PAX5: variants seen among roughly 807,000 people sequenced by gnomAD.
The protein encoded by PAX5 is paired box 5.
A neutral mutation model predicts 43.7 loss-of-function variants in PAX5; 9 were observed. The ratio of observed to expected loss-of-function variants is 0.21; its 90% CI spans 0.12 to 0.36. PAX5 has a LOEUF of 0.36. Among genes scored for constraint, PAX5 ranks in the 10% least tolerant of loss-of-function variants. The pLI is 1.00. For synonymous variants in PAX5, 228 were observed against 214.3 expected (o/e 1.06, Z -0.56); for missense variants, 383 against 532.7 (o/e 0.72, Z 2.77).
chr9:36,998,864 A>G (rs1213396949), intron 5 of PAX5, among the ~76,000 whole-genome samples: 1 of 152,240 alleles, frequency 6.6e-6, no homozygotes, highest in Non-Finnish European at 1.5e-5. Flanking sequence ...ATATGCTGAC[A>G]TGTTGAAATG....
At chr9:36,908,749 C>T (rs1000221175) in intron 7 of PAX5, among the ~76,000 whole-genome samples, 1 of 152,300 alleles carries the variant, frequency 6.6e-6, no homozygotes, top group Middle Eastern at 3.4e-3. Flanking sequence ...CAGAGACCTG[C>T]TTGAAGGCTC....
At chr9:36,957,261 G>A (rs1833570983) in intron 6 of PAX5, among the ~76,000 whole-genome samples, 1 of 152,190 alleles carries the variant, frequency 6.6e-6, no homozygotes, top group African/African-American at 2.4e-5. Context: ...GGTAAGCCAG[G>A]GAGGGTCTGC....
Position 36,845,053 on chromosome 9 carries a change from G to C in PAX5, c.1099+1790C>G, listed in dbSNP as rs550779619. On this transcript the variant is annotated intron_variant, in intron 9 of 9. Transcript: ENST00000358127. ...GCTCAGGGTTTTGTGCCATGCATGG[G>C]CTGGGGTTCAGCTCCCACTTGTCCC... 3.3e-5 allele frequency among the ~76,000 whole-genome samples: 5 copies of C among 152,372 alleles called. 1 individual carries two copies. The highest frequency in any genetic ancestry group is 9.6e-5 in the African/African-American group (4 of 41,592).
intron 6 of PAX5, among the ~76,000 whole-genome samples, chr9:36,961,969 C>A (rs1009332787): frequency 2.0e-5 from 3 of 152,232 alleles, no homozygotes; most frequent in Admixed American, 1.3e-4. Flanking sequence ...ATTGCCCAGG[C>A]GTGGTCAACA....
chr9:36,973,278 G>A (rs1240957009), intron 5 of PAX5, among the ~76,000 whole-genome samples: 2 of 152,056 alleles, frequency 1.3e-5, no homozygotes, highest in African/African-American at 2.4e-5. Flanking sequence ...TCTCTAGATC[G>A]GCCCAGTTTG....
At chr9:36,897,051 G>A (rs1827931111) in intron 7 of PAX5, among the ~76,000 whole-genome samples, 1 of 152,188 alleles carries the variant, frequency 6.6e-6, no homozygotes, top group Non-Finnish European at 1.5e-5. Flanking sequence ...GTTCCTTCAG[G>A]AGGACCTAGA....
At chr9:36,929,274 G>A (rs111240690) in intron 6 of PAX5, among the ~76,000 whole-genome samples, 1 of 150,196 alleles carries the variant, frequency 6.7e-6, no homozygotes, top group Non-Finnish European at 1.5e-5. Context: ...AGGAAGGAAG[G>A]AAGGAAGGAA....
In PAX5 at chr9:36,881,998, A is replaced by T. The variant is rs1358831786; in HGVS notation, c.1012+6T>A. 1 of 1,606,658 alleles carries T rather than the reference A, an allele frequency of 6.2e-7. No individual in the cohort carries two copies. Among genetic ancestry groups the T allele is most frequent in the South Asian group, 1.1e-5 (1 of 89,618 alleles). On this transcript the variant is annotated splice_donor_region_variant and intron_variant, in intron 8 of 9. Coordinates refer to ENST00000358127, the MANE Select transcript of PAX5 (RefSeq NM_016734.3). ...TGCTGTGGAGACGCCGACAGTGCAA[A>T]CTCACCAGGCACCATCCCTGTCAGC...
intron 8 of PAX5, among the ~76,000 whole-genome samples, chr9:36,875,071 C>G (rs1825798385): frequency 6.6e-6 from 1 of 152,164 alleles, no homozygotes; most frequent in Non-Finnish European, 1.5e-5. Flanking sequence ...TGACTCAGAA[C>G]CAGGGAGTCT....
intron 6 of PAX5, among the ~76,000 whole-genome samples, chr9:36,956,594 C>T (rs79854555): frequency 0.087 from 13,188 of 152,218 alleles, 659 homozygotes; most frequent in South Asian, 0.13. Context: ...CAAACATCCC[C>T]CTCCCTTACA....
At chr9:36,938,601 C>T (rs1299523830) in intron 6 of PAX5, among the ~76,000 whole-genome samples, 5 of 152,232 alleles carry the variant, frequency 3.3e-5, no homozygotes, top group Non-Finnish European at 7.3e-5. Context: ...AACAGCCTCT[C>T]TCTGCCCAAT....
intron 8 of PAX5, among the ~76,000 whole-genome samples, chr9:36,862,550 A>C (rs1192071310): frequency 6.6e-6 from 1 of 152,142 alleles, no homozygotes; most frequent in African/African-American, 2.4e-5. Context: ...TGGCACGTGG[A>C]TCCATCATGC....
At chr9:36,920,438 C>T (rs1223894658) in intron 7 of PAX5, among the ~76,000 whole-genome samples, 1 of 152,182 alleles carries the variant, frequency 6.6e-6, no homozygotes, top group East Asian at 1.9e-4. Flanking sequence ...CCATCAACAT[C>T]GAGGCAAGAC....
intron 1 of PAX5, among the ~76,000 whole-genome samples, chr9:37,026,347 G>C (rs78078782): frequency 0.013 from 2,012 of 152,350 alleles, 51 homozygotes; most frequent in African/African-American, 0.045. Context: ...ATTCCCAGGT[G>C]CCTCAGCCCG....
chr9:36,878,029 G>A lies in PAX5; in HGVS notation c.1012+3975C>T, dbSNP rs73453238. On this transcript the variant is annotated intron_variant, in intron 8 of 9. Coordinates refer to ENST00000358127, the MANE Select transcript of PAX5 (RefSeq NM_016734.3). ...AATGCAGCTGCAGCCAGGGAATGCC[G>A]GGAACGAACCACAAAACCTGGAGGA... is the stretch of plus-strand genomic sequence containing the variant. Among the ~76,000 whole-genome samples the A allele has an allele frequency of 8.1e-3, 1,237 of 152,246 alleles. 19 individuals are homozygous for A. Among genetic ancestry groups the A allele is most frequent in the African/African-American group, 0.028 (1,183 of 41,532 alleles).
intron 8 of PAX5, among the ~76,000 whole-genome samples, chr9:36,851,505 T>C (rs1823159392): frequency 6.6e-6 from 1 of 152,132 alleles, no homozygotes; most frequent in Admixed American, 6.5e-5. Context: ...CTGAAGAATG[T>C]CCCGAGAAGC....
intron 6 of PAX5, 125 bp from the exon 7 acceptor site, chr9:36,923,609 G>A: frequency 9.1e-7 from 1 of 1,104,286 alleles, no homozygotes. Flanking sequence ...GGCCCACAAG[G>A]GGCTCATGAA....
chr9:37,021,372 GC>G (rs1839842756), intron 1 of PAX5, among the ~76,000 whole-genome samples: 1 of 152,084 alleles, frequency 6.6e-6, no homozygotes, highest in African/African-American at 2.4e-5. Context: ...AACAACCATT[GC>G]CTTGTTTAAA....
At chr9:36,989,642 T>C (rs1481304862) in intron 5 of PAX5, among the ~76,000 whole-genome samples, 1 of 152,194 alleles carries the variant, frequency 6.6e-6, no homozygotes, top group Non-Finnish European at 1.5e-5. Flanking sequence ...TATGTATGCA[T>C]GTGTGCATGT....
Sources: gnomAD v4.1 joint callset for allele counts (sites outside exome capture counted in the v4.1 genomes callset) on GRCh38, gnomAD v4.1.1 for gene constraint, MANE v1.5 for transcripts, NCBI Gene and HGNC (gene_info 2026-07-23, HGNC 2026-07-21) for gene names.